CUX1: variants seen among roughly 807,000 people sequenced by gnomAD.
The protein encoded by CUX1 is protein CASP.
CUX1 carries 31 observed loss-of-function variants against 158.8 expected under a neutral mutation model. That is an observed-to-expected ratio of 0.20 (90% CI 0.15 to 0.26). CUX1 has a LOEUF of 0.26. Among genes scored for constraint, CUX1 ranks in the 10% least tolerant of loss-of-function variants. The pLI is 1.00. For missense variants in CUX1, 1,589 were observed against 2,014.6 expected, an observed-to-expected ratio of 0.79 and a Z score of 4.04; for synonymous variants, 879 against 862.1, an observed-to-expected ratio of 1.02 and a Z score of -0.34.
intron 1 of CUX1, among the ~76,000 whole-genome samples, chr7:101,864,164 G>A (rs1366777552): frequency 2.1e-5 from 3 of 142,690 alleles, no homozygotes; most frequent in African/African-American, 7.7e-5. Context: ...TTTCTGGATT[G>A]TTTTTTTTTT....
chr7:101,870,274 C>T (rs759099995), intron 1 of CUX1, among the ~76,000 whole-genome samples: 2 of 151,210 alleles, frequency 1.3e-5, no homozygotes, highest in Admixed American at 6.6e-5. Flanking sequence ...CCACCTCAGA[C>T]TCCTGAGTAT....
At chr7:102,050,777 A>G (rs1478687902) in intron 3 of CUX1, among the ~76,000 whole-genome samples, 1 of 151,634 alleles carries the variant, frequency 6.6e-6, no homozygotes, top group Non-Finnish European at 1.5e-5. Flanking sequence ...ATCATAGCTC[A>G]CTGCAGCCTC....
intron 1 of CUX1, among the ~76,000 whole-genome samples, chr7:101,896,683 G>A (rs1435831438): frequency 6.6e-6 from 1 of 152,178 alleles, no homozygotes; most frequent in East Asian, 1.9e-4. Flanking sequence ...GAAACTTGAT[G>A]AATTCTCAGT....
At position 102,250,202 on chromosome 7, in the gene CUX1, T is replaced by G; in HGVS notation, c.*1160T>G. On this transcript the variant is annotated 3_prime_UTR_variant, in exon 24 of 24. Coordinates refer to ENST00000292535, the MANE Select transcript of CUX1 (RefSeq NM_181552.4). ...AACTGTAGCATGTACCTGTTAATTT[T>G]GTTTAATTTATGGTGTCTCAATCTG... 2 of 985,460 alleles carry G rather than the reference T, an allele frequency of 2.0e-6. No homozygotes were observed. The highest frequency in any genetic ancestry group is 2.4e-6 in the Non-Finnish European group (2 of 829,932). 61.0% of individuals were successfully genotyped at this position (985,460 alleles called of 1,614,324 possible). A position where few individuals can be genotyped will look rare whatever the true frequency, so the allele number is the denominator to read the frequency against.
intron 2 of CUX1, among the ~76,000 whole-genome samples, chr7:101,995,912 A>G (rs894148249): frequency 6.6e-6 from 1 of 152,158 alleles, no homozygotes; most frequent in African/African-American, 2.4e-5. Context: ...CAGGGGTCCA[A>G]GACCAGCCTG....
At chr7:102,185,970 C>T (rs1014327693) in intron 11 of CUX1, among the ~76,000 whole-genome samples, 2 of 152,130 alleles carry the variant, frequency 1.3e-5, no homozygotes, top group Non-Finnish European at 2.9e-5. Context: ...TAGGAATAAG[C>T]GCAGGTCTAG....
intron 11 of CUX1, among the ~76,000 whole-genome samples, chr7:102,189,522 A>C (rs1240081573): frequency 2.6e-5 from 4 of 151,890 alleles, no homozygotes; most frequent in Non-Finnish European, 5.9e-5. Flanking sequence ...CAGCCTCCCA[A>C]AGTGCTGGAA....
chr7:101,944,777 C>T (rs1808177286), intron 2 of CUX1, among the ~76,000 whole-genome samples: 1 of 152,146 alleles, frequency 6.6e-6, no homozygotes, highest in South Asian at 2.1e-4. Context: ...ATGCTGCAGA[C>T]CTGCAGCGGT....
intron 3 of CUX1, among the ~76,000 whole-genome samples, chr7:102,059,365 G>A (rs549698868): frequency 6.6e-6 from 1 of 152,124 alleles, no homozygotes. Flanking sequence ...CGGGTACAGT[G>A]GCTCACACCT....
chr7:102,202,190 A>G lies in CUX1; in HGVS notation c.2893A>G (p.Ile965Val), dbSNP rs782375328. ...GGCCAAGAACGGCATCTGCCAGAGAATCTTCGGGGAGAAGGTAAGGGATCT... is the reference window on the plus strand; with the variant it reads ...GGCCAAGAACGGCATCTGCCAGAGAGTCTTCGGGGAGAAGGTAAGGGATCT... ...KLAKNGICQR[I>V]FGEKVLGLSQ... The change falls in exon 18 of 24, where the codon ATC becomes GTC. Residue 965 changes from isoleucine (I) to valine (V), a missense_variant. Transcript: ENST00000292535. The G allele has an allele frequency of 3.1e-6, 5 of 1,605,546 alleles. No individual in the cohort carries two copies. The East Asian group carries it at 6.7e-5, about 22-fold the overall frequency.
At chr7:102,281,952 A>T (rs1302329827) in intron 21 of CUX1, 1 of 1,465,204 alleles carries the variant, frequency 6.8e-7, no homozygotes, top group East Asian at 2.3e-5. Flanking sequence ...CCAGAGGCAC[A>T]TTCACCATCC....
intron 14 of CUX1, among the ~76,000 whole-genome samples, chr7:102,269,127 TTTGTTTG>T (rs1791026431): frequency 1.9e-4 from 4 of 21,564 alleles, no homozygotes; most frequent in Non-Finnish European, 3.5e-4. Context: ...TTTTTGTTTG[TTTGTTTG>T]TTTGTTTGTT....
intron 9 of CUX1, among the ~76,000 whole-genome samples, chr7:102,164,683 C>A (rs782082596): frequency 3.3e-5 from 5 of 152,300 alleles, no homozygotes; most frequent in Non-Finnish European, 7.4e-5. Context: ...TAGCTGTTCC[C>A]GACCTCCTTC....
At chr7:102,215,993 C>T (rs1467395379) in intron 20 of CUX1, among the ~76,000 whole-genome samples, 2 of 152,146 alleles carry the variant, frequency 1.3e-5, no homozygotes, top group Non-Finnish European at 1.5e-5. Context: ...CTGGAAGACT[C>T]GGAAAGAAAA....
chr7:102,240,900 A>G (rs1264895564), intron 23 of CUX1, among the ~76,000 whole-genome samples: 1 of 152,108 alleles, frequency 6.6e-6, no homozygotes, highest in African/African-American at 2.4e-5. Context: ...GGCTCACTGC[A>G]GCCTCCTTCT....
At chr7:102,124,864 C>G (rs986450473) in intron 8 of CUX1, among the ~76,000 whole-genome samples, 1 of 151,720 alleles carries the variant, frequency 6.6e-6, no homozygotes, top group Non-Finnish European at 1.5e-5. Context: ...TCACTGCAAC[C>G]TCCGCCTCCT....
At chr7:101,839,936 A>T (rs770094145) in intron 1 of CUX1, among the ~76,000 whole-genome samples, 23 of 151,960 alleles carry the variant, frequency 1.5e-4, no homozygotes, top group Non-Finnish European at 3.2e-4. Context: ...TAATTTTTGT[A>T]TTTTTAGTAC....
chr7:102,184,176 GC>G (rs1793409229), intron 11 of CUX1, among the ~76,000 whole-genome samples: 1 of 152,222 alleles, frequency 6.6e-6, no homozygotes, highest in Non-Finnish European at 1.5e-5. Flanking sequence ...GGGGTTACAG[GC>G]GTGAAACACC....
chr7:102,246,812 T>G (rs1378832909), intron 23 of CUX1, among the ~76,000 whole-genome samples: 1 of 152,214 alleles, frequency 6.6e-6, no homozygotes, highest in Non-Finnish European at 1.5e-5. Context: ...TCAAGCCATC[T>G]GCCCGCCTCA....
Sources: allele counts gnomAD v4.1 joint callset (sites outside exome capture counted in the v4.1 genomes callset), GRCh38; gene constraint gnomAD v4.1.1; transcripts MANE v1.5; gene names NCBI Gene and HGNC (gene_info 2026-07-23, HGNC 2026-07-21).